The following SLC31A1 variants were observed in gnomAD, a reference collection of about 807,000 sequenced individuals.
SLC31A1 encodes the protein solute carrier family 31 member 1.
Under a neutral mutation model 17.2 loss-of-function variants are expected in SLC31A1, and 5 were observed. The ratio of observed to expected loss-of-function variants is 0.29; its 90% confidence interval spans 0.15 to 0.61. SLC31A1 has a LOEUF of 0.61. Ranked by LOEUF, SLC31A1 falls within the 20% of genes least tolerant of loss-of-function variation. The pLI is 0.86. For missense variants in SLC31A1, 161 were observed against 241.4 expected, an observed-to-expected ratio of 0.67 and a Z score of 2.21; for synonymous variants, 76 against 78.8, an observed-to-expected ratio of 0.96 and a Z score of 0.19.
chr9:113,245,180 T>C (rs774997902), intron 1 of SLC31A1, among the ~76,000 whole-genome samples: 4 of 152,148 alleles, frequency 2.6e-5, no homozygotes, highest in Non-Finnish European at 5.9e-5. Flanking sequence ...GATTATATGG[T>C]TATATTCATC....
At chr9:113,255,868 A>G in intron 1 of SLC31A1, 1 of 236,856 alleles carries the variant, frequency 4.2e-6, no homozygotes, top group Non-Finnish European at 8.3e-6. Context: ...TGCATTCCAT[A>G]TAGACAAAGT....
At chr9:113,228,969 C>A (rs780081202) in intron 1 of SLC31A1, among the ~76,000 whole-genome samples, 7 of 152,062 alleles carry the variant, frequency 4.6e-5, no homozygotes, top group Non-Finnish European at 8.8e-5. Context: ...GCCTTAGCCT[C>A]CCTAGTATCT....
At position 113,256,251 on chromosome 9, in the gene SLC31A1, G is replaced by C; in HGVS notation, c.103G>C (p.Gly35Arg). ...PTTSASHSHG[G>R]GDSSMMMMPM... is the part of the protein sequence containing the mutation. ...CACTTCAGCCTCACACTCCCATGGT[G>C]GAGGAGACAGCAGCATGATGATGAT... Residue 35 changes from glycine (G) to arginine (R), a missense_variant, in exon 2 of 5, where the codon GGA (glycine) becomes CGA (arginine). Transcript: ENST00000374212. The C allele has an allele frequency of 1.2e-6, 2 of 1,613,990 alleles. No homozygotes were observed. The highest frequency in any genetic ancestry group is 2.2e-5 in the South Asian group (2 of 91,078).
intron 1 of SLC31A1, among the ~76,000 whole-genome samples, chr9:113,253,742 C>T (rs908323825): frequency 9.3e-5 from 14 of 151,012 alleles, no homozygotes; most frequent in South Asian, 4.2e-4. Flanking sequence ...TTAGTAAAGA[C>T]GGGGTTTCAC....
At chr9:113,257,479 T>C (rs1831740805) in intron 3 of SLC31A1, among the ~76,000 whole-genome samples, 1 of 37,128 alleles carries the variant, frequency 2.7e-5, no homozygotes, top group South Asian at 1.2e-3. Context: ...GAGTGTTTAA[T>C]TTTTTTTTTT....
rs763821725 is a variant in SLC31A1 at position 113,263,759 on chromosome 9, CCGTCTCTAGT to C, written c.*3288_*3297del. 3.3e-5 allele frequency: 5 copies of C among 152,480 alleles called. No homozygotes were observed. Among genetic ancestry groups the C allele is most frequent in the Non-Finnish European group, 5.9e-5 (4 of 68,038 alleles). 9.4% of individuals were successfully genotyped at this position (152,480 alleles called of 1,614,324 possible). A position where few individuals can be genotyped will look rare whatever the true frequency, so the allele number is the denominator to read the frequency against. ...TCCCAGAGTTACAGAATCTTAGGTG[CCGTCTCTAGT>C]CTGTGAGGGAGGAACTCCCAGCATC... On this transcript the variant is annotated 3_prime_UTR_variant, in exon 5 of 5. Transcript: ENST00000374212.
chr9:113,226,132 T>C (rs1831339255), intron 1 of SLC31A1, among the ~76,000 whole-genome samples: 1 of 124,180 alleles, frequency 8.1e-6, no homozygotes, highest in Non-Finnish European at 1.7e-5. Flanking sequence ...TGAGACTCCA[T>C]CTCAAAAAAA....
chr9:113,235,899 T>C (rs1831452984), intron 1 of SLC31A1, among the ~76,000 whole-genome samples: 1 of 152,248 alleles, frequency 6.6e-6, no homozygotes. Context: ...ATGAACAGTA[T>C]GTTCTGGAAT....
intron 1 of SLC31A1, among the ~76,000 whole-genome samples, chr9:113,248,902 C>A (rs1391557091): frequency 1.3e-5 from 2 of 152,200 alleles, no homozygotes; most frequent in African/African-American, 4.8e-5. Flanking sequence ...CCTTCTCCCA[C>A]AAAGTTCACT....
chr9:113,243,171 T>G (rs561281581), intron 1 of SLC31A1, among the ~76,000 whole-genome samples: 2 of 152,202 alleles, frequency 1.3e-5, no homozygotes, highest in African/African-American at 4.8e-5. Context: ...CTCTAAAATA[T>G]AAAATAACTT....
chr9:113,250,395 G>A (rs1371234176), intron 1 of SLC31A1, among the ~76,000 whole-genome samples: 1 of 149,898 alleles, frequency 6.7e-6, no homozygotes, highest in African/African-American at 2.5e-5. Context: ...GGATGGAATT[G>A]GAAATCATCA....
intron 1 of SLC31A1, among the ~76,000 whole-genome samples, chr9:113,237,434 T>C (rs1439668391): frequency 1.3e-5 from 2 of 152,138 alleles, no homozygotes; most frequent in African/African-American, 4.8e-5. Context: ...GTTTTTTTTT[T>C]CCAAGCCTCT....
At chr9:113,256,049 AAT>A in intron 1 of SLC31A1, 63 bp from the exon 2 acceptor site, 1 of 1,251,612 alleles carries the variant, frequency 8.0e-7, no homozygotes, top group Non-Finnish European at 1.1e-6. Flanking sequence ...CATCTCTAAA[AAT>A]AAAAAAAAGA....
chr9:113,240,635 T>C (rs1041881260), intron 1 of SLC31A1, among the ~76,000 whole-genome samples: 1 of 152,156 alleles, frequency 6.6e-6, no homozygotes, highest in Non-Finnish European at 1.5e-5. Context: ...TTTTTGTGCA[T>C]GATAAATGTT....
chr9:113,257,881 A>C (rs187891057), intron 3 of SLC31A1, among the ~76,000 whole-genome samples: 1 of 152,320 alleles, frequency 6.6e-6, no homozygotes, highest in Admixed American at 6.5e-5. Flanking sequence ...TATTGTTCTA[A>C]TACTTCAATT....
intron 1 of SLC31A1, among the ~76,000 whole-genome samples, chr9:113,252,133 T>C (rs752204520): frequency 5.9e-5 from 9 of 152,246 alleles, no homozygotes; most frequent in Non-Finnish European, 1.2e-4. Flanking sequence ...TGAAGAGATT[T>C]GATAATGTGG....
At chr9:113,248,852 T>C (rs1291255464) in intron 1 of SLC31A1, among the ~76,000 whole-genome samples, 1 of 152,100 alleles carries the variant, frequency 6.6e-6, no homozygotes, top group African/African-American at 2.4e-5. Context: ...CTTAATAAAG[T>C]CAAGTGAGGA....
intron 1 of SLC31A1, among the ~76,000 whole-genome samples, chr9:113,253,678 C>G (rs991470673): frequency 1.3e-5 from 2 of 151,304 alleles, no homozygotes; most frequent in Admixed American, 6.6e-5. Context: ...CTCAGCCTCC[C>G]GAGTAGCTGG....
At chr9:113,224,669 C>G (rs1051819202) in intron 1 of SLC31A1, among the ~76,000 whole-genome samples, 3 of 152,200 alleles carry the variant, frequency 2.0e-5, no homozygotes, top group African/African-American at 7.2e-5. Context: ...CTCAGGTGAT[C>G]CACCCGCCTT....
Sources: gnomAD v4.1 joint callset for allele counts (sites outside exome capture counted in the v4.1 genomes callset) on GRCh38, gnomAD v4.1.1 for gene constraint, MANE v1.5 for transcripts, NCBI Gene and HGNC (gene_info 2026-07-23, HGNC 2026-07-21) for gene names.